Variants in PI4K2B observed in about 807,000 individuals in gnomAD.
The protein encoded by PI4K2B is phosphatidylinositol 4-kinase type 2 beta, also known as phosphatidylinositol 4-kinase type 2-beta.
Under a neutral mutation model 56.6 loss-of-function variants are expected in PI4K2B, and 46 were observed. That is an observed-to-expected ratio of 0.81 (90% CI 0.64 to 1.04). The LOEUF (loss-of-function observed/expected upper bound fraction) is 1.04, where lower values mean the gene tolerates loss of function less well. PI4K2B is among the 50% of genes least tolerant of loss of function. The pLI, the probability that PI4K2B is intolerant of heterozygous loss-of-function variation, is 0.00. For missense variants in PI4K2B, 556 were observed against 607.7 expected, an observed-to-expected ratio of 0.91 and a Z score of 0.89; for synonymous variants, 211 against 223.8, an observed-to-expected ratio of 0.94 and a Z score of 0.51.
chr4:25,252,515 T>C (rs1244665530), intron 2 of PI4K2B, 40 bp downstream of exon 2: 17 of 1,213,670 alleles, frequency 1.4e-5, no homozygotes, highest in South Asian at 6.3e-5. Flanking sequence ...ATGGAAACTT[T>C]GGTAAATACT....
intron 2 of PI4K2B, chr4:25,254,355 A>T: frequency 1.2e-6 from 1 of 815,834 alleles, no homozygotes; most frequent in Non-Finnish European, 1.5e-6. Context: ...GATAGTGAAT[A>T]ATAACACTGT....
chr4:25,275,525 T>G (rs1717062639), intron 9 of PI4K2B, among the ~76,000 whole-genome samples: 1 of 151,676 alleles, frequency 6.6e-6, no homozygotes, highest in Non-Finnish European at 1.5e-5. Context: ...CTAGCTGAGG[T>G]GGCGTGTGCC....
chr4:25,274,717 G>A (rs549696045), intron 9 of PI4K2B, among the ~76,000 whole-genome samples: 1 of 152,112 alleles, frequency 6.6e-6, no homozygotes, highest in East Asian at 1.9e-4. Context: ...ATATTAATAG[G>A]TTAATTTCAG....
chr4:25,242,764 G>A (rs1024679414), intron 1 of PI4K2B, among the ~76,000 whole-genome samples: 1 of 152,134 alleles, frequency 6.6e-6, no homozygotes, highest in African/African-American at 2.4e-5. Context: ...AAAAGTGGTG[G>A]GATCTTTTAA....
In PI4K2B at chr4:25,277,365, A is replaced by G. The variant is rs960221696; in HGVS notation, c.*178A>G. Reference sequence around the variant, plus strand: ...TTTTTTGTCCAAATATTAAATTTCTATTTCAGGGAAGAAGTGCTATATCTC... The same window carrying G: ...TTTTTTGTCCAAATATTAAATTTCTGTTTCAGGGAAGAAGTGCTATATCTC... On this transcript the variant is annotated 3_prime_UTR_variant, in exon 10 of 10. Coordinates refer to ENST00000264864, the MANE Select transcript of PI4K2B (RefSeq NM_018323.4). The G allele has an allele frequency of 7.5e-6, 5 of 663,856 alleles. No individual in the cohort carries two copies. Among genetic ancestry groups the G allele is most frequent in the Admixed American group, 3.4e-5 (1 of 29,188 alleles). The allele number at this position is 663,856 out of a possible 1,614,324, so 41.1% of individuals were successfully genotyped here.
Position 25,260,625 on chromosome 4 carries a change from TATATATATATATATATACAC to T in PI4K2B, c.978+36_978+55del, listed in dbSNP as rs746741441. On this transcript the variant is annotated intron_variant, in intron 6 of 9. Coordinates refer to ENST00000264864, the MANE Select transcript of PI4K2B (RefSeq NM_018323.4). ...ATTTACAATTTTATATATATATATA[TATATATATATATATATACAC>T]ACACACACACACACACACATACACA... The T allele has an allele frequency of 4.9e-4, 133 of 273,514 alleles. 1 individual carries two copies. Among genetic ancestry groups the T allele is most frequent in the African/African-American group, 1.4e-3 (38 of 26,934 alleles). 16.9% of individuals were successfully genotyped at this position (273,514 alleles called of 1,614,324 possible). A position where few individuals can be genotyped will look rare whatever the true frequency, so the allele number is the denominator to read the frequency against.
At chr4:25,252,230 C>T in intron 1 of PI4K2B, 91 bp from the exon 2 acceptor site, 28 of 733,492 alleles carry the variant, frequency 3.8e-5, no homozygotes, top group South Asian at 9.6e-5. Flanking sequence ...TTACATTTTT[C>T]TGTACCTTAT....
chr4:25,276,563 T>TA (rs1344273168), intron 9 of PI4K2B: 18 of 746,808 alleles, frequency 2.4e-5, no homozygotes, highest in Non-Finnish European at 2.8e-5. Flanking sequence ...CCCTAGCACT[T>TA]ACAGCAGAAC....
In PI4K2B at chr4:25,268,457, G is replaced by A; in HGVS notation, c.1093G>A (p.Ala365Thr). The A allele has an allele frequency of 6.2e-7, 1 of 1,605,882 alleles. No homozygotes were observed. Among genetic ancestry groups the A allele is most frequent in the Non-Finnish European group, 8.5e-7 (1 of 1,176,412 alleles). ...TTTTCTATTAGATCCATTTCACTGG[G>A]CTTGGCTTCCTCAAGCAAAAGTTCC... The part of the protein sequence containing the change: ...DEWRAYPFHW[A>T]WLPQAKVPFS... Residue 365 changes from alanine (A) to threonine (T), a missense_variant, in exon 8 of 10, where the codon GCT (alanine) becomes ACT (threonine). Transcript: ENST00000264864.
Position 25,240,224 on chromosome 4 carries a change from C to T in PI4K2B, c.268+5793C>T, listed in dbSNP as rs536853856. Among the ~76,000 whole-genome samples the T allele has an allele frequency of 4.6e-5, 7 of 152,232 alleles. No individual in the cohort carries two copies. The South Asian group carries it at 1.2e-3, about 27-fold the overall frequency. On this transcript the variant is annotated intron_variant, in intron 1 of 9. Coordinates refer to ENST00000264864, the MANE Select transcript of PI4K2B (RefSeq NM_018323.4). ...TTCCTGTAAACACCAGGTGGCATCT[C>T]GTACTGGTTAGTGTAAAAATAACAC...
chr4:25,240,907 C>G (rs1031414472), intron 1 of PI4K2B, among the ~76,000 whole-genome samples: 2 of 152,060 alleles, frequency 1.3e-5, no homozygotes, highest in Non-Finnish European at 2.9e-5. Context: ...GTCTCTCTGT[C>G]TCTTCCTCTC....
intron 7 of PI4K2B, among the ~76,000 whole-genome samples, chr4:25,264,504 T>C (rs1315693756): frequency 2.1e-5 from 1 of 47,678 alleles, no homozygotes; most frequent in Non-Finnish European, 5.0e-5. Context: ...AAAGCCAGTT[T>C]TGCAAAAAAA....
chr4:25,252,350 T>G lies in PI4K2B; in HGVS notation c.298T>G (p.Phe100Val). 6.2e-7 allele frequency: 1 copy of G among 1,611,046 alleles called. No homozygotes were observed. The highest frequency in any genetic ancestry group is 8.5e-7 in the Non-Finnish European group (1 of 1,177,274). ...VTIGTSEMNA[F>V]LDDPEFADIM... ...TATTGGTACTTCAGAGATGAATGCA[T>G]TCTTGGATGACCCAGAATTTGCCGA... is the stretch of plus-strand genomic sequence containing the variant. The change falls in exon 2 of 10, where the codon TTC (phenylalanine) becomes GTC (valine). Residue 100 changes from phenylalanine (F) to valine (V), a missense_variant. Physicochemically the swap from Phe to Val is conservative, Grantham distance 50. Coordinates refer to ENST00000264864, the MANE Select transcript of PI4K2B (RefSeq NM_018323.4).
chr4:25,245,180 A>C (rs991404559), intron 1 of PI4K2B, among the ~76,000 whole-genome samples: 3 of 152,104 alleles, frequency 2.0e-5, no homozygotes, highest in Non-Finnish European at 4.4e-5. Context: ...TTCGGGCAAA[A>C]ATTATGTCTT....
At chr4:25,255,488 C>T (rs1716231330) in intron 3 of PI4K2B, among the ~76,000 whole-genome samples, 1 of 151,972 alleles carries the variant, frequency 6.6e-6, no homozygotes. Context: ...ACGATGCTAA[C>T]AAAAAGAGGA....
At chr4:25,263,332 T>A (rs1716546574) in intron 6 of PI4K2B, among the ~76,000 whole-genome samples, 1 of 152,196 alleles carries the variant, frequency 6.6e-6, no homozygotes, top group South Asian at 2.1e-4. Context: ...TGTGTTTGAT[T>A]TATTTCTTTG....
intron 1 of PI4K2B, among the ~76,000 whole-genome samples, chr4:25,251,506 G>A (rs1716050012): frequency 6.6e-6 from 1 of 152,114 alleles, no homozygotes; most frequent in Non-Finnish European, 1.5e-5. Context: ...GGCCAAGGAG[G>A]AGGGAAGCAA....
At chr4:25,263,139 G>C (rs76353265) in intron 6 of PI4K2B, among the ~76,000 whole-genome samples, 1 of 152,096 alleles carries the variant, frequency 6.6e-6, no homozygotes, top group Non-Finnish European at 1.5e-5. Flanking sequence ...CCCATGATCC[G>C]ATTACCTCCA....
chr4:25,266,464 T>C (rs903979727), intron 7 of PI4K2B, among the ~76,000 whole-genome samples: 3 of 152,276 alleles, frequency 2.0e-5, no homozygotes, highest in African/African-American at 7.2e-5. Context: ...AATAAACTAC[T>C]GATACGCTTA....
Sources: allele counts gnomAD v4.1 joint callset (sites outside exome capture counted in the v4.1 genomes callset), GRCh38; gene constraint gnomAD v4.1.1; transcripts MANE v1.5; gene names NCBI Gene and HGNC (gene_info 2026-07-23, HGNC 2026-07-21).